Variants in RPS6KA5 observed in about 807,000 individuals in gnomAD.
The protein encoded by RPS6KA5 is ribosomal protein S6 kinase A5.
RPS6KA5 carries 27 observed loss-of-function variants against 85.5 expected under a neutral mutation model. The observed-to-expected ratio is 0.32, with a 90% CI of 0.23 to 0.44. The LOEUF is 0.44. Among genes scored for constraint, RPS6KA5 ranks in the 20% least tolerant of loss-of-function variants. The pLI, the probability that RPS6KA5 is intolerant of heterozygous loss-of-function variation, is 1.00. For missense variants in RPS6KA5, 811 were observed against 980.9 expected, an observed-to-expected ratio of 0.83 and a Z score of 2.31; for synonymous variants, 334 against 348.2, an observed-to-expected ratio of 0.96 and a Z score of 0.46.
At chr14:90,906,644 G>A (rs1313394424) in intron 7 of RPS6KA5, among the ~76,000 whole-genome samples, 5 of 152,110 alleles carry the variant, frequency 3.3e-5, no homozygotes, top group Non-Finnish European at 5.9e-5. Context: ...TATGATTAAA[G>A]ACTTCACAAC....
rs1054730352 is a variant in RPS6KA5 at position 90,860,362 on chromosome 14, C to T, written c.*11712G>A. On this transcript the variant is annotated 3_prime_UTR_variant, in exon 17 of 17. Transcript: ENST00000614987. ...CAGCCTCGCTAATGTGGTGAAGCCC[C>T]ATCTCTACTAAAAACACAAAAATTA... 1 of 152,084 alleles carries T rather than the reference C, an allele frequency of 6.6e-6. No individual in the cohort carries two copies. Among genetic ancestry groups the T allele is most frequent in the African/African-American group, 2.4e-5 (1 of 41,340 alleles). The allele number at this position is 152,084 out of a possible 1,614,324, so 9.4% of individuals were successfully genotyped here. A position where few individuals can be genotyped will look rare whatever the true frequency, so the allele number is the denominator to read the frequency against.
intron 1 of RPS6KA5, among the ~76,000 whole-genome samples, chr14:91,044,672 A>C (rs935849764): frequency 4.6e-5 from 7 of 152,102 alleles, no homozygotes; most frequent in Non-Finnish European, 8.8e-5. Flanking sequence ...AGCAGTTCGA[A>C]CCAGCCTGGC....
At chr14:90,979,427 T>C (rs747552707) in intron 2 of RPS6KA5, among the ~76,000 whole-genome samples, 25 of 152,254 alleles carry the variant, frequency 1.6e-4, no homozygotes, top group African/African-American at 3.4e-4. Context: ...GCAAATGCTT[T>C]CTGGGATGTT....
intron 3 of RPS6KA5, among the ~76,000 whole-genome samples, chr14:90,964,054 T>C (rs2038938749): frequency 6.6e-6 from 1 of 152,144 alleles, no homozygotes; most frequent in African/African-American, 2.4e-5. Flanking sequence ...CATGGCTGTG[T>C]CGTAGGAAGA....
At chr14:90,941,929 A>T (rs1286117) in intron 5 of RPS6KA5, among the ~76,000 whole-genome samples, 19 of 152,124 alleles carry the variant, frequency 1.2e-4, no homozygotes, top group Non-Finnish European at 2.2e-4. Context: ...ATTTTTACAA[A>T]GGCATAAAAA....
At chr14:91,043,892 T>C (rs1039675457) in intron 1 of RPS6KA5, among the ~76,000 whole-genome samples, 2 of 152,170 alleles carry the variant, frequency 1.3e-5, no homozygotes, top group Non-Finnish European at 2.9e-5. Flanking sequence ...ATTTTGCAGA[T>C]GTAATTATGG....
At chr14:90,937,009 G>A (rs781616224) in intron 5 of RPS6KA5, among the ~76,000 whole-genome samples, 1 of 151,952 alleles carries the variant, frequency 6.6e-6, no homozygotes, top group Non-Finnish European at 1.5e-5. Context: ...AGAAGGCTGG[G>A]AATGAGCAGC....
intron 1 of RPS6KA5, among the ~76,000 whole-genome samples, chr14:91,051,411 T>C (rs1381990155): frequency 6.6e-6 from 1 of 152,164 alleles, no homozygotes; most frequent in African/African-American, 2.4e-5. Context: ...AGATTCTGTC[T>C]CAATAAAATG....
chr14:90,959,118 G>A (rs976690018), intron 3 of RPS6KA5, among the ~76,000 whole-genome samples: 4 of 152,168 alleles, frequency 2.6e-5, no homozygotes, highest in Non-Finnish European at 5.9e-5. Flanking sequence ...GAAGCAGTAG[G>A]AGAGTCGAGG....
At chr14:91,037,301 G>A (rs1181424965) in intron 1 of RPS6KA5, among the ~76,000 whole-genome samples, 1 of 152,156 alleles carries the variant, frequency 6.6e-6, no homozygotes, top group African/African-American at 2.4e-5. Flanking sequence ...CTTGCCCCAT[G>A]ACCTATCCTA....
At chr14:90,888,965 C>T (rs116852819) in intron 14 of RPS6KA5, among the ~76,000 whole-genome samples, 2,049 of 152,228 alleles carry the variant, frequency 0.013, 17 homozygotes, top group Non-Finnish European at 0.022. Flanking sequence ...AGAAAAATCT[C>T]CCCATAGGAA....
At chr14:91,027,197 G>C (rs1265448276) in intron 1 of RPS6KA5, among the ~76,000 whole-genome samples, 2 of 152,112 alleles carry the variant, frequency 1.3e-5, no homozygotes, top group African/African-American at 4.8e-5. Flanking sequence ...TCCAAAGTCC[G>C]AGGTATTTCC....
chr14:90,916,558 T>C (rs1325770630), intron 7 of RPS6KA5, among the ~76,000 whole-genome samples: 3 of 152,084 alleles, frequency 2.0e-5, no homozygotes, highest in Non-Finnish European at 4.4e-5. Flanking sequence ...GGACAGATAA[T>C]GGCACATTTA....
At chr14:90,900,075 T>TA in intron 11 of RPS6KA5, 33 bp downstream of exon 11, 1 of 1,506,814 alleles carries the variant, frequency 6.6e-7, no homozygotes, top group Non-Finnish European at 9.0e-7. Context: ...CATGAATACC[T>TA]AAGAAAGAAT....
chr14:90,910,685 ATT>A (rs202000247), intron 7 of RPS6KA5, among the ~76,000 whole-genome samples: 6 of 147,670 alleles, frequency 4.1e-5, no homozygotes, highest in African/African-American at 5.0e-5. Flanking sequence ...CATTATTATT[ATT>A]TTTTTTTTTT....
At chr14:91,051,758 G>T (rs1029593883) in intron 1 of RPS6KA5, among the ~76,000 whole-genome samples, 1 of 151,722 alleles carries the variant, frequency 6.6e-6, no homozygotes, top group African/African-American at 2.4e-5. Context: ...CAAAGTGCTG[G>T]GATTACAGGC....
rs968701269 is a variant in RPS6KA5, at chr14:90,869,561, A to G, written c.*2513T>C. The stretch of plus-strand genomic sequence containing the variant: ...GAGGGGGTGGTGTGGCTCTAGTCCC[A>G]AAGTTAATGTCATAAGGAGAAATAA... On this transcript the variant is annotated 3_prime_UTR_variant, in exon 17 of 17. Coordinates refer to ENST00000614987, the MANE Select transcript of RPS6KA5 (RefSeq NM_004755.4). The G allele has an allele frequency of 2.0e-5, 3 of 152,336 alleles. No individual in the cohort carries two copies. Among genetic ancestry groups the G allele is most frequent in the Admixed American group, 6.5e-5 (1 of 15,300 alleles). The allele number at this position is 152,336 out of a possible 1,614,324, so 9.4% of individuals were successfully genotyped here.
chr14:90,923,044 G>T, intron 6 of RPS6KA5, 69 bp downstream of exon 6: 1 of 1,156,666 alleles, frequency 8.6e-7, no homozygotes, highest in South Asian at 1.3e-5. Context: ...GATGACCTAA[G>T]TTGTTAACTA....
chr14:90,887,746 T>G (rs1309665550), intron 14 of RPS6KA5, among the ~76,000 whole-genome samples: 1 of 150,658 alleles, frequency 6.6e-6, no homozygotes, highest in Non-Finnish European at 1.5e-5. Flanking sequence ...CACTTGAAGC[T>G]AGGAATTTGA....
Sources: allele counts gnomAD v4.1 joint callset (sites outside exome capture counted in the v4.1 genomes callset), GRCh38; gene constraint gnomAD v4.1.1; transcripts MANE v1.5; gene names NCBI Gene and HGNC (gene_info 2026-07-23, HGNC 2026-07-21).